GRAMD1C: variants seen among roughly 807,000 people sequenced by gnomAD.
GRAMD1C encodes GRAM domain containing 1C, also known as protein Aster-C.
GRAMD1C carries 89 observed loss-of-function variants against 97.8 expected under a neutral mutation model. That is an observed-to-expected ratio of 0.91 (90% CI 0.77 to 1.09). The LOEUF (loss-of-function observed/expected upper bound fraction) is 1.09, where lower values mean the gene tolerates loss of function less well. Among genes scored for constraint, GRAMD1C ranks in the 50% least tolerant of loss-of-function variants. The probability of loss-of-function intolerance (pLI) is 0.00; values close to 1 mark genes in which losing one functional copy is unlikely to be tolerated. For synonymous variants in GRAMD1C, 256 were observed against 267.0 expected (o/e 0.96, Z 0.40); for missense variants, 740 against 766.4 (o/e 0.97, Z 0.41).
At chr3:113,890,944 C>T (rs1935701348) in intron 6 of GRAMD1C, 3 of 506,350 alleles carry the variant, frequency 5.9e-6, no homozygotes, top group South Asian at 7.3e-5. Flanking sequence ...AGAAACACTG[C>T]ATTTACTGGC....
chr3:113,910,169 G>A (rs1186734339), intron 9 of GRAMD1C, among the ~76,000 whole-genome samples: 4 of 152,146 alleles, frequency 2.6e-5, no homozygotes, highest in African/African-American at 9.7e-5. Flanking sequence ...GGATCACACG[G>A]TCAGGAGTTC....
Position 113,939,965 on chromosome 3 carries a change from C to A in GRAMD1C, c.1771C>A (p.Arg591Ser), listed in dbSNP as rs970698305. Residue 591 changes from arginine to serine, a missense_variant, in exon 16 of 18, where the codon CGT becomes AGT. Physicochemically the swap from Arg to Ser is moderately radical, Grantham distance 110. Coordinates refer to ENST00000358160, the MANE Select transcript of GRAMD1C (RefSeq NM_017577.5). ...AGAACATGCTGCTCAGTCCTTTTAC[C>A]GTCTCCGCCTCCAAGAAGAGAAATC... ...KIEHAAQSFYRLRLQEEKSLN... is the reference protein window; with the variant it reads ...KIEHAAQSFYSLRLQEEKSLN... 6.3e-7 allele frequency: 1 copy of A among 1,598,080 alleles called. No homozygotes were observed. Among genetic ancestry groups the A allele is most frequent in the African/African-American group, 1.3e-5 (1 of 74,732 alleles).
chr3:113,926,079 G>A (rs1220881625), intron 10 of GRAMD1C, among the ~76,000 whole-genome samples: 1 of 152,130 alleles, frequency 6.6e-6, no homozygotes, highest in Admixed American at 6.5e-5. Flanking sequence ...TGCATTTCCT[G>A]CATTTGAATG....
At chr3:113,887,466 C>T (rs562635686) in intron 6 of GRAMD1C, among the ~76,000 whole-genome samples, 41 of 151,690 alleles carry the variant, frequency 2.7e-4, no homozygotes, top group Middle Eastern at 3.4e-3. Flanking sequence ...TTTGGGAGGC[C>T]GAGGTGGGTG....
chr3:113,849,295 A>ATT lies in GRAMD1C; in HGVS notation c.174+4648_174+4649dup, dbSNP rs1190143863. 1.1e-3 allele frequency among the ~76,000 whole-genome samples: 162 copies of ATT among 149,508 alleles called. 1 individual carries two copies. The highest frequency in any genetic ancestry group is 9.9e-3 in the South Asian group (47 of 4,754). On this transcript the variant is annotated intron_variant, in intron 2 of 17. Transcript: ENST00000358160. ...TATTTATTTATTTATTTATTTATTT[A>ATT]TTTATTTATTTATTTTTTATTGATC...
At chr3:113,886,134 C>G in intron 6 of GRAMD1C, 4 of 1,477,664 alleles carry the variant, frequency 2.7e-6, no homozygotes, top group Non-Finnish European at 3.6e-6. Context: ...TGAGGACTGC[C>G]TGGGCAGGGT....
chr3:113,911,673 C>T (rs1428493205), intron 9 of GRAMD1C, among the ~76,000 whole-genome samples: 1 of 32,780 alleles, frequency 3.1e-5, no homozygotes, highest in Non-Finnish European at 8.8e-5. Context: ...TTTCCTTTCT[C>T]TCTCTCTTTC....
At chr3:113,835,592 A>G (rs538113579), upstream of GRAMD1C, among the ~76,000 whole-genome samples, 1 of 152,362 alleles carries the variant, frequency 6.6e-6, no homozygotes, top group East Asian at 1.9e-4. Context: ...CATATTGTCA[A>G]TAAGATGTGG....
chr3:113,924,350 T>TCTAG (rs1937162698), intron 10 of GRAMD1C, among the ~76,000 whole-genome samples: 1 of 152,212 alleles, frequency 6.6e-6, no homozygotes, highest in Non-Finnish European at 1.5e-5. Flanking sequence ...TTCTAGTTCC[T>TCTAG]CTAGGTGTGA....
At chr3:113,936,509 CTT>C (rs1447560602) in intron 14 of GRAMD1C, 67 bp downstream of exon 14, 2 of 1,013,402 alleles carry the variant, frequency 2.0e-6, no homozygotes, top group Non-Finnish European at 3.0e-6. Context: ...GAATGTGCCT[CTT>C]GTTTGTAAGA....
chr3:113,844,712 G>A (rs1933535475), intron 2 of GRAMD1C, 63 bp downstream of exon 2: 1 of 1,129,350 alleles, frequency 8.9e-7, no homozygotes, highest in Non-Finnish European at 1.3e-6. Context: ...AATCTGCAAG[G>A]AGTCATATAG....
intron 17 of GRAMD1C, among the ~76,000 whole-genome samples, chr3:113,941,260 T>C (rs542383268): frequency 1.3e-5 from 2 of 152,358 alleles, no homozygotes; most frequent in East Asian, 3.9e-4. Flanking sequence ...TATCTTTTGG[T>C]TCCAGTATTG....
intron 10 of GRAMD1C, among the ~76,000 whole-genome samples, chr3:113,930,242 A>G (rs1204945539): frequency 6.6e-6 from 1 of 152,222 alleles, no homozygotes; most frequent in Admixed American, 6.5e-5. Context: ...CTGACATTAC[A>G]TGATTTCTCA....
chr3:113,850,576 T>G (rs1041859705), intron 2 of GRAMD1C: 1 of 1,605,968 alleles, frequency 6.2e-7, no homozygotes, highest in Non-Finnish European at 8.5e-7. Context: ...CCTCAGGACT[T>G]GAGAGACTGC....
At chr3:113,873,524 A>T (rs1051231159) in intron 3 of GRAMD1C, among the ~76,000 whole-genome samples, 1 of 146,770 alleles carries the variant, frequency 6.8e-6, no homozygotes, top group Non-Finnish European at 1.5e-5. Context: ...TTTTTATTTT[A>T]TTTTTTTTTT....
At chr3:113,912,482 G>A (rs1032368066) in intron 9 of GRAMD1C, among the ~76,000 whole-genome samples, 3 of 152,176 alleles carry the variant, frequency 2.0e-5, no homozygotes, top group Non-Finnish European at 2.9e-5. Context: ...GGTGGCTCAT[G>A]CCCGTAATCC....
intron 6 of GRAMD1C, chr3:113,897,713 A>G: frequency 1.0e-6 from 1 of 983,662 alleles, no homozygotes. Context: ...CCAGAAATTG[A>G]TCTTCTGACT....
rs59292926 is a variant in GRAMD1C at position 113,939,758 on chromosome 3, T to G, written c.1692-128T>G. The G allele has an allele frequency of 8.6e-3, 4,842 of 564,230 alleles. 196 individuals are homozygous for G. Among genetic ancestry groups the G allele is most frequent in the African/African-American group, 0.083 (4,309 of 51,984 alleles). 35.0% of individuals were successfully genotyped at this position (564,230 alleles called of 1,614,324 possible). On this transcript the variant is annotated intron_variant, in intron 15 of 17. Transcript: ENST00000358160. ...TATAATAAAATAGGGATAATTGATTTAAATAATAACAACAATGAAAAACAG... is the reference window on the plus strand; with the variant it reads ...TATAATAAAATAGGGATAATTGATTGAAATAATAACAACAATGAAAAACAG...
intron 2 of GRAMD1C, among the ~76,000 whole-genome samples, chr3:113,858,874 A>T (rs372272546): frequency 1.2e-4 from 18 of 152,256 alleles, no homozygotes; most frequent in East Asian, 9.7e-4. Context: ...ACATGTGTAG[A>T]GTTCTTTACA....
Sources: gnomAD v4.1 joint callset for allele counts (sites outside exome capture counted in the v4.1 genomes callset) on GRCh38, gnomAD v4.1.1 for gene constraint, MANE v1.5 for transcripts, NCBI Gene and HGNC (gene_info 2026-07-23, HGNC 2026-07-21) for gene names.